The following LRRC8B variants were observed in gnomAD, a reference collection of about 807,000 sequenced individuals.
LRRC8B encodes the protein leucine rich repeat containing 8 VRAC subunit B, also known as volume-regulated anion channel subunit LRRC8B.
In LRRC8B, 23 loss-of-function variants were observed where a neutral mutation model predicts 58.8. That is an observed-to-expected ratio of 0.39 (90% CI 0.28 to 0.55). The LOEUF is 0.55. Among genes scored for constraint, LRRC8B ranks in the 20% least tolerant of loss-of-function variants. The pLI is 0.62. For missense variants in LRRC8B, 694 were observed against 936.0 expected (o/e 0.74, Z 3.37); for synonymous variants, 359 against 374.1 (o/e 0.96, Z 0.47).
chr1:89,531,284 T>C (rs1021180738), intron 1 of LRRC8B, among the ~76,000 whole-genome samples: 6 of 152,184 alleles, frequency 3.9e-5, no homozygotes, highest in African/African-American at 1.4e-4. Context: ...TGAAACAAAG[T>C]GATAATAGCT....
chr1:89,584,420 A>G lies in LRRC8B; in HGVS notation c.1770A>G (p.Leu590=). 1 of 1,614,216 alleles carries G rather than the reference A, an allele frequency of 6.2e-7. No homozygotes were observed. The highest frequency in any genetic ancestry group is 1.7e-5 in the Admixed American group (1 of 60,026). Residue 590 remains leucine (L), a synonymous_variant, in exon 5 of 6, where the codon CTA becomes CTG. Coordinates refer to ENST00000330947, the MANE Select transcript of LRRC8B (RefSeq NM_001369817.2). The part of the protein sequence containing the change: ...NLKKMVNLKS[L]ELISCDLERI... ...AAAAGATGGTCAATCTGAAAAGCCT[A>G]GAACTGATCAGCTGTGACCTGGAAC...
At chr1:89,576,073 G>A (rs1186962715) in intron 3 of LRRC8B, among the ~76,000 whole-genome samples, 1 of 152,194 alleles carries the variant, frequency 6.6e-6, no homozygotes, top group Non-Finnish European at 1.5e-5. Flanking sequence ...TCTCTTAAAT[G>A]CTAGACCTTT....
chr1:89,541,259 GA>G (rs1427596865), intron 1 of LRRC8B, among the ~76,000 whole-genome samples: 1 of 152,166 alleles, frequency 6.6e-6, no homozygotes, highest in African/African-American at 2.4e-5. Context: ...TTGGCCTAGA[GA>G]GAATAGAGGT....
In LRRC8B at chr1:89,583,253, C is replaced by G. The variant is rs116502828; in HGVS notation, c.603C>G (p.Ser201=). ...CAGGGTGTTCAGCTGACATAGATTC[C>G]GGCAAACAGTCATTGCCCTACCCAC... The part of the protein sequence containing the change: ...SSSGCSADID[S]GKQSLPYPQP... The change falls in exon 5 of 6, where the codon TCC becomes TCG. Residue 201 remains serine, a synonymous_variant. Transcript: ENST00000330947. The surrounding 1 kb of genome is among the most constrained non-coding windows in gnomAD (Gnocchi z 5.2). 2 of 1,614,048 alleles carry G rather than the reference C, an allele frequency of 1.2e-6. No individual in the cohort carries two copies. The highest frequency in any genetic ancestry group is 3.3e-5 in the Admixed American group (2 of 60,004).
At chr1:89,548,691 G>A (rs1255123288) in intron 1 of LRRC8B, among the ~76,000 whole-genome samples, 4 of 152,180 alleles carry the variant, frequency 2.6e-5, no homozygotes, top group African/African-American at 9.7e-5. Flanking sequence ...ATTGAGATCA[G>A]GGAAGCCAGA....
intron 1 of LRRC8B, among the ~76,000 whole-genome samples, chr1:89,554,598 C>T (rs1652046068): frequency 6.6e-6 from 1 of 152,106 alleles, no homozygotes; most frequent in Non-Finnish European, 1.5e-5. Context: ...AGTGTCAGAG[C>T]ATGTGCAAGA....
intron 3 of LRRC8B, among the ~76,000 whole-genome samples, chr1:89,578,304 G>A (rs1570632407): frequency 6.6e-6 from 1 of 152,176 alleles, no homozygotes; most frequent in Non-Finnish European, 1.5e-5. Context: ...TGTTACAAAT[G>A]CAGCCGCTAT....
In LRRC8B at chr1:89,583,124, G is replaced by A; in HGVS notation, c.474G>A (p.Lys158=). The part of the protein sequence containing the change: ...RLEHFVAILH[K]CFDSPWTTRA... ...AGCATTTTGTGGCCATCCTTCACAA[G>A]TGCTTCGATTCTCCATGGACCACCC... Residue 158 remains lysine (K), a synonymous_variant, in exon 5 of 6, where the codon AAG becomes AAA. Coordinates refer to ENST00000330947, the MANE Select transcript of LRRC8B (RefSeq NM_001369817.2). This position sits in a 1 kb window ranked among gnomAD's most constrained non-coding sequence, Gnocchi z 5.2. 2.5e-6 allele frequency: 4 copies of A among 1,614,134 alleles called. No homozygotes were observed. Among genetic ancestry groups the A allele is most frequent in the Non-Finnish European group, 3.4e-6 (4 of 1,180,032 alleles).
At position 89,597,841 on chromosome 1, in the gene LRRC8B, T is replaced by C. The variant is rs1655362216; in HGVS notation, c.*4798T>C. On this transcript the variant is annotated 3_prime_UTR_variant, in exon 6 of 6. Transcript: ENST00000330947. ...TCCAATTTTTATAACAAATGGCAAATAAAAACAGTAAATGCTGGAAGAAGT... is the reference window on the plus strand; with the variant it reads ...TCCAATTTTTATAACAAATGGCAAACAAAAACAGTAAATGCTGGAAGAAGT... The C allele has an allele frequency of 6.6e-6, 1 of 152,130 alleles. No individual in the cohort carries two copies. Among genetic ancestry groups the C allele is most frequent in the Admixed American group, 6.5e-5 (1 of 15,274 alleles). 9.4% of individuals were successfully genotyped at this position (152,130 alleles called of 1,614,324 possible).
chr1:89,578,456 G>A (rs1654005540), intron 3 of LRRC8B, among the ~76,000 whole-genome samples: 1 of 152,148 alleles, frequency 6.6e-6, no homozygotes, highest in South Asian at 2.1e-4. Flanking sequence ...GTTGTGCCCT[G>A]TAGTTATGAA....
At chr1:89,539,079 T>C (rs1650756921) in intron 1 of LRRC8B, among the ~76,000 whole-genome samples, 1 of 152,128 alleles carries the variant, frequency 6.6e-6, no homozygotes, top group African/African-American at 2.4e-5. Context: ...CAAGACTACC[T>C]CCTAGAAACA....
intron 1 of LRRC8B, among the ~76,000 whole-genome samples, chr1:89,525,536 C>T (rs1649617840): frequency 6.6e-6 from 1 of 152,180 alleles, no homozygotes; most frequent in Non-Finnish European, 1.5e-5. Flanking sequence ...GTTGGATACG[C>T]GTTGGTTGCC....
chr1:89,583,105 T>C lies in LRRC8B; in HGVS notation c.455T>C (p.Phe152Ser). ...YPSTSSRLEH[F>S]VAILHKCFDS... is the part of the protein sequence containing the mutation. Reference sequence around the variant, plus strand: ...AGTACCAGTTCCAGGCTCGAGCATTTTGTGGCCATCCTTCACAAGTGCTTC... The same window carrying C: ...AGTACCAGTTCCAGGCTCGAGCATTCTGTGGCCATCCTTCACAAGTGCTTC... The change falls in exon 5 of 6, where the codon TTT (phenylalanine) becomes TCT (serine). Residue 152 changes from phenylalanine to serine, a missense_variant. Coordinates refer to ENST00000330947, the MANE Select transcript of LRRC8B (RefSeq NM_001369817.2). The surrounding 1 kb of genome is among the most constrained non-coding windows in gnomAD (Gnocchi z 5.2). 6.2e-7 allele frequency: 1 copy of C among 1,614,170 alleles called. No individual in the cohort carries two copies.
chr1:89,550,442 G>A (rs1246523558), intron 1 of LRRC8B, among the ~76,000 whole-genome samples: 1 of 152,150 alleles, frequency 6.6e-6, no homozygotes, highest in Non-Finnish European at 1.5e-5. Flanking sequence ...AATGGTACCT[G>A]TGTCTCATTA....
intron 1 of LRRC8B, among the ~76,000 whole-genome samples, chr1:89,567,859 A>AT (rs1653154098): frequency 1.3e-5 from 2 of 152,176 alleles, no homozygotes. Context: ...TGTGTGAACT[A>AT]TATGTTTCCA....
chr1:89,562,100 C>T (rs976710042), intron 1 of LRRC8B, among the ~76,000 whole-genome samples: 7 of 150,944 alleles, frequency 4.6e-5, no homozygotes, highest in African/African-American at 1.7e-4. Flanking sequence ...AGTGTGTCTG[C>T]TATCACTAAG....
intron 1 of LRRC8B, among the ~76,000 whole-genome samples, chr1:89,559,194 C>T (rs1037126581): frequency 1.3e-5 from 2 of 151,906 alleles, no homozygotes; most frequent in Non-Finnish European, 2.9e-5. Flanking sequence ...ACAGAGGTGG[C>T]GGATGAAACC....
chr1:89,547,797 A>G (rs969881862), intron 1 of LRRC8B, among the ~76,000 whole-genome samples: 3 of 147,408 alleles, frequency 2.0e-5, no homozygotes, highest in Non-Finnish European at 3.0e-5. Flanking sequence ...AGCTTTCTTC[A>G]TAGTGGGCGG....
intron 1 of LRRC8B, among the ~76,000 whole-genome samples, chr1:89,526,200 A>G (rs1302468820): frequency 6.6e-6 from 1 of 152,068 alleles, no homozygotes; most frequent in Non-Finnish European, 1.5e-5. Flanking sequence ...GAGAACCCCA[A>G]ATGCTCTTTG....
Sources: allele counts gnomAD v4.1 joint callset (sites outside exome capture counted in the v4.1 genomes callset), GRCh38; gene constraint gnomAD v4.1.1; non-coding constraint Gnocchi (gnomAD v3.1); transcripts MANE v1.5; gene names NCBI Gene and HGNC (gene_info 2026-07-23, HGNC 2026-07-21).